The following COL5A1 variants were observed in gnomAD, a reference collection of about 807,000 sequenced individuals.
COL5A1 encodes collagen type V alpha 1 chain.
Under a neutral mutation model 263.7 loss-of-function variants are expected in COL5A1, and 16 were observed. That is an observed-to-expected ratio of 0.06 (90% CI 0.04 to 0.09). The LOEUF is 0.09. Among genes scored for constraint, COL5A1 ranks in the 10% least tolerant of loss-of-function variants. The pLI is 1.00. For missense variants in COL5A1, 2,036 were observed against 2,540.5 expected (o/e 0.80, Z 4.27); for synonymous variants, 1,012 against 1,004.5 (o/e 1.01, Z -0.14).
At chr9:134,703,184 C>T (rs1001776390) in intron 4 of COL5A1, among the ~76,000 whole-genome samples, 2 of 152,166 alleles carry the variant, frequency 1.3e-5, no homozygotes, top group Non-Finnish European at 2.9e-5. Context: ...CCTGGGGCTT[C>T]GGTAGAGCAG....
intron 29 of COL5A1, 138 bp from the exon 30 acceptor site, chr9:134,784,847 CTGAG>C: frequency 1.4e-6 from 1 of 693,150 alleles, no homozygotes; most frequent in Non-Finnish European, 2.6e-6. Context: ...GCTCCGTGGT[CTGAG>C]TGAGGCCGAG....
At chr9:134,746,158 CAGG>C (rs1314942939) in intron 11 of COL5A1, among the ~76,000 whole-genome samples, 2 of 152,194 alleles carry the variant, frequency 1.3e-5, no homozygotes, top group Non-Finnish European at 2.9e-5. Flanking sequence ...TCTGCACAGC[CAGG>C]AGATGTCCAG....
At chr9:134,838,878 T>A (rs1215399163) in intron 65 of COL5A1, among the ~76,000 whole-genome samples, 1 of 152,218 alleles carries the variant, frequency 6.6e-6, no homozygotes, top group African/African-American at 2.4e-5. Context: ...GGCAGCAGCG[T>A]GGAGCTGGGG....
At chr9:134,766,588 A>C (rs1327508669) in intron 22 of COL5A1, 90 bp downstream of exon 22, 13 of 1,347,812 alleles carry the variant, frequency 9.6e-6, no homozygotes, top group Non-Finnish European at 1.4e-5. Context: ...CGCTGTCCAC[A>C]TCAGCTGGGA....
At chr9:134,785,676 A>G (rs1319993009) in intron 30 of COL5A1, among the ~76,000 whole-genome samples, 2 of 152,226 alleles carry the variant, frequency 1.3e-5, no homozygotes, top group African/African-American at 4.8e-5. Flanking sequence ...AAGGGCTCAG[A>G]GGTGCCCCAG....
At chr9:134,778,261 C>T (rs747181697) in intron 27 of COL5A1, among the ~76,000 whole-genome samples, 34 of 152,208 alleles carry the variant, frequency 2.2e-4, no homozygotes, top group Non-Finnish European at 4.3e-4. Flanking sequence ...GCTTAGAAAC[C>T]ACTCGCCTCT....
Position 134,766,571 on chromosome 9 carries a change from G to A in COL5A1, c.2133+73G>A, listed in dbSNP as rs41306800. On this transcript the variant is annotated intron_variant, in intron 22 of 65. Coordinates refer to ENST00000371817, the MANE Select transcript of COL5A1 (RefSeq NM_000093.5). ...GGCACACTCCTTGCCTGGCTAGGGA[G>A]GTCCATCGCTGTCCACATCAGCTGG... 55,880 of 1,466,672 alleles carry A rather than the reference G, an allele frequency of 0.038. 1,338 individuals carry two copies. The highest frequency in any genetic ancestry group is 0.047 in the Non-Finnish European group (50,057 of 1,055,068). The allele number at this position is 1,466,672 out of a possible 1,614,324, so 90.9% of individuals were successfully genotyped here. A position where few individuals can be genotyped will look rare whatever the true frequency, so the allele number is the denominator to read the frequency against.
chr9:134,731,006 C>A (rs1215511824), intron 7 of COL5A1, among the ~76,000 whole-genome samples: 1 of 152,222 alleles, frequency 6.6e-6, no homozygotes, highest in Non-Finnish European at 1.5e-5. Context: ...GTTCTCCTTT[C>A]CAACATGGCA....
At chr9:134,761,197 CCACATGCACACAGGCATA>C (rs560059975) in intron 18 of COL5A1, among the ~76,000 whole-genome samples, 1,663 of 148,538 alleles carry the variant, frequency 0.011, 27 homozygotes, top group African/African-American at 0.039. Flanking sequence ...CCCCATCCCC[CCACATGCACACAGGCATA>C]CACATGCACA....
At position 134,741,620 on chromosome 9, in the gene COL5A1, G is replaced by A. The variant is rs1835305883; in HGVS notation, c.1494+2812G>A. ...AGAAGCAGAGGCAGGAGGGTGGGGTGGGAGGAGGGGGTAATGCCCTGCTTT... is the reference window on the plus strand; with the variant it reads ...AGAAGCAGAGGCAGGAGGGTGGGGTAGGAGGAGGGGGTAATGCCCTGCTTT... On this transcript the variant is annotated intron_variant, in intron 11 of 65. Transcript: ENST00000371817. This position sits in a 1 kb window ranked among gnomAD's most constrained non-coding sequence, Gnocchi z 4.5. Among the ~76,000 whole-genome samples the A allele has an allele frequency of 6.6e-6, 1 of 152,154 alleles. No homozygotes were observed. Among genetic ancestry groups the A allele is most frequent in the South Asian group, 2.1e-4 (1 of 4,830 alleles).
intron 26 of COL5A1, among the ~76,000 whole-genome samples, chr9:134,773,163 C>T (rs1159724560): frequency 6.6e-6 from 1 of 152,162 alleles, no homozygotes; most frequent in Non-Finnish European, 1.5e-5. Flanking sequence ...TCTGCACAAG[C>T]TGGGTGGCCT....
At position 134,650,318 on chromosome 9, in the gene COL5A1, C is replaced by T. The variant is rs73665728; in HGVS notation, c.109+8022C>T. On this transcript the variant is annotated intron_variant, in intron 1 of 65. Transcript: ENST00000371817. ...GTAACCGTCTTCCATTGGAAGCGAC[C>T]GTCTTCCATTCTGCTGGCGGGTGGC... 2.1e-3 allele frequency among the ~76,000 whole-genome samples: 322 copies of T among 152,276 alleles called. 3 individuals carry two copies. Among genetic ancestry groups the T allele is most frequent in the African/African-American group, 7.0e-3 (290 of 41,556 alleles).
chr9:134,759,934 C>T (rs1440689697), intron 18 of COL5A1, among the ~76,000 whole-genome samples: 14 of 130,964 alleles, frequency 1.1e-4, no homozygotes, highest in African/African-American at 3.8e-4. Context: ...TGCACACACA[C>T]GCATACATAC....
chr9:134,747,639 G>A (rs1835570556), intron 11 of COL5A1, among the ~76,000 whole-genome samples: 1 of 150,434 alleles, frequency 6.6e-6, no homozygotes. Context: ...ATGCACACAT[G>A]CATTCATACA....
intron 4 of COL5A1, among the ~76,000 whole-genome samples, chr9:134,712,589 C>T (rs1564404804): frequency 2.1e-5 from 1 of 48,238 alleles, no homozygotes; most frequent in Non-Finnish European, 4.0e-5. Context: ...CTTTCTGCCT[C>T]ACTTCTTCCT....
rs1379513913 is a variant in COL5A1, at chr9:134,750,773, T to G, written c.1570-17T>G. On this transcript the variant is annotated splice_polypyrimidine_tract_variant and intron_variant, in intron 12 of 65. Transcript: ENST00000371817. ...CACGTCACTGCTCCCAGAGTGACCC[T>G]TGTCTTACACTTGCAGTTCCGGTTT... 1 of 1,613,128 alleles carries G rather than the reference T, an allele frequency of 6.2e-7. No individual in the cohort carries two copies. The highest frequency in any genetic ancestry group is 1.1e-5 in the South Asian group (1 of 91,076).
intron 37 of COL5A1, among the ~76,000 whole-genome samples, chr9:134,801,092 C>T (rs1256138410): frequency 1.3e-5 from 2 of 152,230 alleles, no homozygotes. Context: ...AGGGAGAGTA[C>T]AGAAGTCGTG....
At position 134,678,087 on chromosome 9, in the gene COL5A1, C is replaced by T. The variant is rs74930441; in HGVS notation, c.110-12825C>T. 1.3e-3 allele frequency among the ~76,000 whole-genome samples: 203 copies of T among 152,356 alleles called. 2 individuals carry two copies. In the East Asian group the frequency reaches 0.036, roughly 27 times the overall value. The stretch of plus-strand genomic sequence containing the variant: ...GTGCTCTCCCCAGCGTCACTCCCTC[C>T]GCAGCAGGGTATCTGCAGGGGTCTT... On this transcript the variant is annotated intron_variant, in intron 1 of 65. Transcript: ENST00000371817. This position sits in a 1 kb window ranked among gnomAD's most constrained non-coding sequence, Gnocchi z 5.5.
At chr9:134,828,594 T>TACCACACACACGATAAACACCACACATAC (rs1564181257) in intron 63 of COL5A1, among the ~76,000 whole-genome samples, 2 of 6,776 alleles carry the variant, frequency 3.0e-4, no homozygotes, top group East Asian at 4.7e-3. Context: ...ACACCACACA[T>TACCACACACACGATAAACACCACACATAC]CACACAGATA....
Sources: allele counts gnomAD v4.1 joint callset (sites outside exome capture counted in the v4.1 genomes callset), GRCh38; gene constraint gnomAD v4.1.1; non-coding constraint Gnocchi (gnomAD v3.1); transcripts MANE v1.5; gene names NCBI Gene and HGNC (gene_info 2026-07-23, HGNC 2026-07-21).